KIAA0232: variants seen among roughly 807,000 people sequenced by gnomAD.
KIAA0232 encodes uncharacterized protein KIAA0232.
KIAA0232 carries 27 observed loss-of-function variants against 122.0 expected under a neutral mutation model. That is an observed-to-expected ratio of 0.22 (90% CI 0.16 to 0.31). KIAA0232 has a LOEUF of 0.31. KIAA0232 is among the 10% of genes least tolerant of loss of function. The pLI, the probability that KIAA0232 is intolerant of heterozygous loss-of-function variation, is 1.00. For synonymous variants in KIAA0232, 613 were observed against 587.6 expected (o/e 1.04, Z -0.63); for missense variants, 1,551 against 1,634.2 (o/e 0.95, Z 0.88).
intron 6 of KIAA0232, among the ~76,000 whole-genome samples, chr4:6,860,357 C>T (rs771544783): frequency 1.2e-4 from 18 of 152,178 alleles, no homozygotes; most frequent in Non-Finnish European, 2.2e-4. Context: ...CAGGATTTGA[C>T]CTCAGAGAAT....
At chr4:6,833,306 C>T (rs1240911753) in intron 3 of KIAA0232, among the ~76,000 whole-genome samples, 1 of 152,216 alleles carries the variant, frequency 6.6e-6, no homozygotes, top group Non-Finnish European at 1.5e-5. Context: ...TTTTTATTCT[C>T]TTATTTCAAA....
In KIAA0232 at chr4:6,855,147, C is replaced by T. The variant is rs4407506; in HGVS notation, c.370-2017C>T. On this transcript the variant is annotated intron_variant, in intron 4 of 9. Transcript: ENST00000307659. The surrounding 1 kb of genome is among the most constrained non-coding windows in gnomAD (Gnocchi z 4.3). ...TTGCCCAGGCTGGAGTGCAATGACG[C>T]GATCTCAGCTCACTGCAACCTCCAC... Among the ~76,000 whole-genome samples, 1,287 of 151,986 alleles carry T rather than the reference C, an allele frequency of 8.5e-3. 15 individuals carry two copies. Among genetic ancestry groups the T allele is most frequent in the African/African-American group, 0.03 (1,232 of 41,412 alleles).
intron 1 of KIAA0232, among the ~76,000 whole-genome samples, chr4:6,789,922 A>T (rs1023160670): frequency 6.6e-6 from 1 of 151,850 alleles, no homozygotes; most frequent in Non-Finnish European, 1.5e-5. Context: ...CCAGCTACTT[A>T]GGAGGCTGAG....
At chr4:6,851,182 C>T (rs1215387509) in intron 4 of KIAA0232, among the ~76,000 whole-genome samples, 1 of 152,124 alleles carries the variant, frequency 6.6e-6, no homozygotes, top group African/African-American at 2.4e-5. Flanking sequence ...CCATTAGTGG[C>T]CTCCTTAAGA....
chr4:6,807,231 A>C (rs1717677359), intron 2 of KIAA0232, among the ~76,000 whole-genome samples: 1 of 152,210 alleles, frequency 6.6e-6, no homozygotes, highest in African/African-American at 2.4e-5. Context: ...ATAAAGATCA[A>C]CCAGATTAAC....
At chr4:6,833,262 A>G (rs571694925) in intron 3 of KIAA0232, among the ~76,000 whole-genome samples, 65 of 152,310 alleles carry the variant, frequency 4.3e-4, no homozygotes, top group African/African-American at 1.4e-3. Context: ...CTACATCACA[A>G]GCATTGTTAT....
chr4:6,876,897 C>T, intron 9 of KIAA0232, 140 bp downstream of exon 9: 1 of 625,424 alleles, frequency 1.6e-6, no homozygotes, highest in East Asian at 2.8e-5. Context: ...GTGCAGACTT[C>T]CTGTTCTCTG....
intron 4 of KIAA0232, 111 bp downstream of exon 4, chr4:6,842,315 A>G: frequency 9.3e-7 from 1 of 1,079,592 alleles, no homozygotes; most frequent in Non-Finnish European, 1.3e-6. Context: ...GTACTTATTT[A>G]TTTTACCAAG....
intron 4 of KIAA0232, among the ~76,000 whole-genome samples, chr4:6,842,537 A>G (rs979354782): frequency 4.0e-5 from 6 of 151,566 alleles, no homozygotes; most frequent in South Asian, 2.1e-4. Context: ...CAACAGCAGT[A>G]TAATATTATA....
chr4:6,871,538 T>C (rs779205980), intron 7 of KIAA0232, 36 bp from the exon 8 acceptor site: 18 of 1,226,430 alleles, frequency 1.5e-5, no homozygotes, highest in Non-Finnish European at 2.0e-5. Context: ...CCTGAAAGTT[T>C]ATAAACTTTT....
At chr4:6,785,074 A>C (rs1384378262) in intron 1 of KIAA0232, among the ~76,000 whole-genome samples, 1 of 151,862 alleles carries the variant, frequency 6.6e-6, no homozygotes, top group East Asian at 1.9e-4. Flanking sequence ...AGTAGCTGGG[A>C]CTACAGGTGC....
intron 1 of KIAA0232, among the ~76,000 whole-genome samples, chr4:6,800,692 A>AG (rs1193956819): frequency 4.6e-5 from 7 of 152,052 alleles, no homozygotes; most frequent in Non-Finnish European, 1.0e-4. Context: ...AAAAAAAAAA[A>AG]GAAAATTTGG....
At chr4:6,821,896 A>G (rs575657317) in intron 2 of KIAA0232, among the ~76,000 whole-genome samples, 43 of 151,836 alleles carry the variant, frequency 2.8e-4, no homozygotes, top group African/African-American at 1.0e-3. Context: ...TTTTTCTTTT[A>G]GTACTTTAAA....
chr4:6,849,301 A>G (rs1257771079), intron 4 of KIAA0232, among the ~76,000 whole-genome samples: 1 of 152,148 alleles, frequency 6.6e-6, no homozygotes. Context: ...GAAGACAGCC[A>G]AGGGTTTTGA....
rs990327474 is a variant in KIAA0232 at position 6,883,652 on chromosome 4, A to G, written c.*2686A>G. The G allele has an allele frequency of 3.9e-5, 6 of 152,236 alleles. No individual in the cohort carries two copies. Among genetic ancestry groups the G allele is most frequent in the African/African-American group, 1.4e-4 (6 of 41,446 alleles). 9.4% of individuals were successfully genotyped at this position (152,236 alleles called of 1,614,324 possible). A position where few individuals can be genotyped will look rare whatever the true frequency, so the allele number is the denominator to read the frequency against. On this transcript the variant is annotated 3_prime_UTR_variant, in exon 10 of 10. Transcript: ENST00000307659. ...AAACACATAGCATTTTTGTCCGTGG[A>G]TGGTACACAAAGCTCAATCTTTTTG...
intron 7 of KIAA0232, among the ~76,000 whole-genome samples, chr4:6,869,229 A>T (rs1721341559): frequency 6.6e-6 from 1 of 152,176 alleles, no homozygotes; most frequent in South Asian, 2.1e-4. Context: ...TCTTGATCTT[A>T]ATCCTCAAGA....
Sources: allele counts gnomAD v4.1 joint callset (sites outside exome capture counted in the v4.1 genomes callset), GRCh38; gene constraint gnomAD v4.1.1; non-coding constraint Gnocchi (gnomAD v3.1); transcripts MANE v1.5; gene names NCBI Gene and HGNC (gene_info 2026-07-23, HGNC 2026-07-21).